Variants in COL26A1 observed in about 807,000 individuals in gnomAD.
COL26A1 encodes collagen alpha-1(XXVI) chain.
COL26A1 carries 41 observed loss-of-function variants against 59.3 expected under a neutral mutation model. That is an observed-to-expected ratio of 0.69 (90% CI 0.54 to 0.90). The LOEUF (loss-of-function observed/expected upper bound fraction) is 0.90, where lower values mean the gene tolerates loss of function less well. Ranked by LOEUF, COL26A1 falls within the 40% of genes least tolerant of loss-of-function variation. The pLI is 0.00. For missense variants in COL26A1, 612 were observed against 602.3 expected (o/e 1.02, Z -0.17); for synonymous variants, 266 against 256.0 (o/e 1.04, Z -0.37).
At chr7:101,429,048 T>C (rs1792714478) in intron 2 of COL26A1, among the ~76,000 whole-genome samples, 1 of 151,820 alleles carries the variant, frequency 6.6e-6, no homozygotes, top group Non-Finnish European at 1.5e-5. Context: ...CTCAGCTTCC[T>C]GAGTAGCTGG....
intron 4 of COL26A1, 75 bp downstream of exon 4, chr7:101,533,218 C>A: frequency 1.8e-6 from 2 of 1,127,960 alleles, no homozygotes; most frequent in Non-Finnish European, 2.6e-6. Context: ...CATCAGGCAA[C>A]CACTGGGTGT....
At chr7:101,367,089 C>T (rs1791065367) in intron 1 of COL26A1, among the ~76,000 whole-genome samples, 1 of 152,112 alleles carries the variant, frequency 6.6e-6, no homozygotes, top group South Asian at 2.1e-4. Flanking sequence ...ATCCTCTGCC[C>T]CCTGTATCTC....
rs867853373 is a variant in COL26A1, at chr7:101,455,509, T to C, written c.385+7722T>C. 2.9e-4 allele frequency among the ~76,000 whole-genome samples: 42 copies of C among 146,814 alleles called. 1 individual carries two copies. The South Asian group carries it at 8.7e-3, about 30-fold the overall frequency. ...GGTAAGTTTCTTTTCTTTTCTTTTT[T>C]TTTTTTTTTTTGAGACTGAGTTTCA... On this transcript the variant is annotated intron_variant, in intron 3 of 12. Coordinates refer to ENST00000313669, the MANE Select transcript of COL26A1 (RefSeq NM_001278563.3).
At chr7:101,386,770 C>A (rs1791586387) in intron 1 of COL26A1, among the ~76,000 whole-genome samples, 1 of 152,192 alleles carries the variant, frequency 6.6e-6, no homozygotes, top group African/African-American at 2.4e-5. Flanking sequence ...CAGGAGTGAA[C>A]AGGGAGCACG....
At chr7:101,483,641 G>A (rs957345588) in intron 3 of COL26A1, among the ~76,000 whole-genome samples, 6 of 151,900 alleles carry the variant, frequency 3.9e-5, no homozygotes, top group Admixed American at 3.9e-4. Flanking sequence ...CTAAGTAGGT[G>A]GGACTACAGA....
intron 1 of COL26A1, among the ~76,000 whole-genome samples, chr7:101,387,496 TTATA>T (rs899931738): frequency 1.1e-4 from 17 of 151,408 alleles, no homozygotes; most frequent in Non-Finnish European, 2.2e-4. Context: ...TTTTTATTAT[TTATA>T]TTGTGGTAAA....
At chr7:101,450,929 AT>A (rs1793320434) in intron 3 of COL26A1, among the ~76,000 whole-genome samples, 1 of 125,428 alleles carries the variant, frequency 8.0e-6, no homozygotes, top group Non-Finnish European at 1.5e-5. Context: ...AGTAATATAT[AT>A]TATCAATAAT....
chr7:101,398,745 G>A (rs56200372), intron 1 of COL26A1, among the ~76,000 whole-genome samples: 9,952 of 152,170 alleles, frequency 0.065, 1,064 homozygotes, highest in African/African-American at 0.23. Flanking sequence ...CCAAAGCAGC[G>A]CGTAGAGTTC....
intron 1 of COL26A1, among the ~76,000 whole-genome samples, chr7:101,399,826 A>G (rs1299381856): frequency 6.6e-6 from 1 of 152,220 alleles, no homozygotes; most frequent in Admixed American, 6.5e-5. Flanking sequence ...TAGAAACAAC[A>G]TAAGAATCAT....
chr7:101,498,860 C>G (rs1794642449), intron 3 of COL26A1, among the ~76,000 whole-genome samples: 1 of 152,176 alleles, frequency 6.6e-6, no homozygotes, highest in African/African-American at 2.4e-5. Flanking sequence ...AGGCTTGGTG[C>G]TGGCTCCCCA....
chr7:101,366,461 T>C (rs1389061437), intron 1 of COL26A1, among the ~76,000 whole-genome samples: 1 of 148,834 alleles, frequency 6.7e-6, no homozygotes, highest in Admixed American at 6.9e-5. Context: ...TTACTGCTCC[T>C]TGTTAACGTC....
intron 3 of COL26A1, among the ~76,000 whole-genome samples, chr7:101,516,973 G>A (rs73180869): frequency 0.022 from 3,375 of 152,212 alleles, 56 homozygotes; most frequent in Non-Finnish European, 0.031. Context: ...GGTGAAGGTC[G>A]GTGCCTGGTA....
chr7:101,368,347 T>C (rs1452168950), intron 1 of COL26A1, among the ~76,000 whole-genome samples: 2 of 152,210 alleles, frequency 1.3e-5, no homozygotes, highest in African/African-American at 4.8e-5. Flanking sequence ...GGCCCCCAAA[T>C]TGGGGCTTAG....
At chr7:101,459,322 C>G (rs961027785) in intron 3 of COL26A1, among the ~76,000 whole-genome samples, 29 of 151,910 alleles carry the variant, frequency 1.9e-4, no homozygotes, top group Non-Finnish European at 3.7e-4. Context: ...TTTTTTGAGA[C>G]GGAGTCTCGC....
intron 3 of COL26A1, among the ~76,000 whole-genome samples, chr7:101,454,660 A>T (rs532879518): frequency 2.9e-4 from 44 of 152,096 alleles, no homozygotes; most frequent in Non-Finnish European, 6.2e-4. Flanking sequence ...ATAGCGCTGA[A>T]GTGCTCTCTG....
chr7:101,435,955 C>T (rs543502486), intron 2 of COL26A1, among the ~76,000 whole-genome samples: 5 of 152,330 alleles, frequency 3.3e-5, no homozygotes, highest in African/African-American at 9.6e-5. Context: ...GATGGATGCC[C>T]GCAAGGCAAC....
intron 3 of COL26A1, among the ~76,000 whole-genome samples, chr7:101,525,436 C>A (rs1441914306): frequency 1.3e-5 from 2 of 150,564 alleles, no homozygotes; most frequent in Admixed American, 1.3e-4. Context: ...CCTCCTCAGC[C>A]TCCCAAAGTG....
intron 3 of COL26A1, among the ~76,000 whole-genome samples, chr7:101,504,710 G>A (rs922427151): frequency 1.3e-5 from 2 of 152,156 alleles, no homozygotes; most frequent in Non-Finnish European, 2.9e-5. Context: ...CTTCCTTGTC[G>A]TCCACACGAT....
chr7:101,370,355 T>C (rs1562951261), intron 1 of COL26A1, among the ~76,000 whole-genome samples: 1 of 151,932 alleles, frequency 6.6e-6, no homozygotes, highest in Non-Finnish European at 1.5e-5. Flanking sequence ...CACTGTTTGT[T>C]TTGTTGTTGT....
Sources: gnomAD v4.1 joint callset for allele counts (sites outside exome capture counted in the v4.1 genomes callset) on GRCh38, gnomAD v4.1.1 for gene constraint, MANE v1.5 for transcripts, NCBI Gene and HGNC (gene_info 2026-07-23, HGNC 2026-07-21) for gene names.